DNAI4: variants seen among roughly 807,000 people sequenced by gnomAD.
DNAI4 encodes WD repeat domain 78.
DNAI4 carries 85 observed loss-of-function variants against 105.8 expected under a neutral mutation model. That is an observed-to-expected ratio of 0.80 (90% CI 0.67 to 0.96). DNAI4 has a LOEUF of 0.96. DNAI4 is among the 40% of genes least tolerant of loss of function. The pLI is 0.00. For synonymous variants in DNAI4, 352 were observed against 331.5 expected (o/e 1.06, Z -0.67); for missense variants, 1,014 against 1,005.6 (o/e 1.01, Z -0.11).
At chr1:66,830,976 CAA>C (rs71242799) in intron 13 of DNAI4, among the ~76,000 whole-genome samples, 1 of 81,808 alleles carries the variant, frequency 1.2e-5, no homozygotes, top group Non-Finnish European at 2.2e-5. Flanking sequence ...GACTCTGTCA[CAA>C]AAAAAAAAAA....
At chr1:66,871,335 C>A (rs1442963242) in intron 6 of DNAI4, 35 bp downstream of exon 6, 1 of 1,565,378 alleles carries the variant, frequency 6.4e-7, no homozygotes, top group African/African-American at 1.4e-5. Flanking sequence ...TATATTAGAA[C>A]ATTATAGTTT....
chr1:66,881,242 C>A (rs1311577519), intron 4 of DNAI4, among the ~76,000 whole-genome samples: 1 of 152,264 alleles, frequency 6.6e-6, no homozygotes, highest in Non-Finnish European at 1.5e-5. Flanking sequence ...TACTGGGGCA[C>A]TGCCTAGTGG....
intron 1 of DNAI4, among the ~76,000 whole-genome samples, chr1:66,911,790 G>C (rs1649675525): frequency 6.6e-6 from 1 of 152,032 alleles, no homozygotes; most frequent in Non-Finnish European, 1.5e-5. Context: ...AAATGCTCAG[G>C]ATAAACCTGC....
Position 66,891,239 on chromosome 1 carries a change from A to G in DNAI4, c.558T>C (p.Ser186=), listed in dbSNP as rs1210017215. 1 of 1,613,818 alleles carries G rather than the reference A, an allele frequency of 6.2e-7. No homozygotes were observed. The highest frequency in any genetic ancestry group is 1.7e-5 in the Admixed American group (1 of 60,018). ...ATTCACTTGCTGATACACTTGACTT[A>G]GAAACTGTACTGCTTCCTAAAACTG... ...TRSVLGSSTV[S]KSSVSASESI... is the part of the protein sequence containing the mutation. The change falls in exon 4 of 17, where the codon TCT becomes TCC. Residue 186 remains serine (S), a synonymous_variant. Transcript: ENST00000371026.
intron 4 of DNAI4, among the ~76,000 whole-genome samples, chr1:66,877,809 T>A (rs534090669): frequency 2.6e-5 from 4 of 152,296 alleles, no homozygotes; most frequent in African/African-American, 9.6e-5. Context: ...GCAGCAGTCA[T>A]GTATTTTGTA....
At chr1:66,822,577 GA>G in intron 15 of DNAI4, 60 bp from the exon 16 acceptor site, 1 of 1,333,618 alleles carries the variant, frequency 7.5e-7, no homozygotes, top group South Asian at 1.9e-5. Context: ...CTTTTAAATA[GA>G]CAAAGAAAAA....
Position 66,813,117 on chromosome 1 carries a change from C to G in DNAI4, c.*1013G>C, listed in dbSNP as rs1296257253. The G allele has an allele frequency of 1.3e-5, 2 of 152,256 alleles. No individual in the cohort carries two copies. Among genetic ancestry groups the G allele is most frequent in the Non-Finnish European group, 2.9e-5 (2 of 68,018 alleles). 9.4% of individuals were successfully genotyped at this position (152,256 alleles called of 1,614,324 possible). On this transcript the variant is annotated 3_prime_UTR_variant, in exon 17 of 17. Transcript: ENST00000371026. ...CAATGGATACTTGTAAAAGGTAGTT[C>G]CCACTGTTGCACTGATTCCAGTCTT...
chr1:66,826,693 G>A, intron 15 of DNAI4, 127 bp downstream of exon 15: 1 of 732,934 alleles, frequency 1.4e-6, no homozygotes, highest in Non-Finnish European at 2.3e-6. Context: ...TATTCATAAA[G>A]GACTCTCATA....
intron 3 of DNAI4, 129 bp downstream of exon 3, chr1:66,893,100 A>AG (rs1443129015): frequency 2.2e-6 from 1 of 453,664 alleles, no homozygotes; most frequent in Non-Finnish European, 3.7e-6. Flanking sequence ...AAAGAAAGAA[A>AG]GAAAGAAAGA....
chr1:66,924,332 G>T (rs796238680), intron 1 of DNAI4, among the ~76,000 whole-genome samples: 5 of 152,228 alleles, frequency 3.3e-5, no homozygotes, highest in African/African-American at 1.2e-4. Flanking sequence ...CACCACGTCC[G>T]GCTAACTTTT....
intron 4 of DNAI4, among the ~76,000 whole-genome samples, chr1:66,888,800 TTTTG>T (rs1647357162): frequency 2.0e-5 from 3 of 152,224 alleles, no homozygotes; most frequent in Non-Finnish European, 2.9e-5. Flanking sequence ...TGTTACTTGT[TTTTG>T]TTTGTTTTTG....
intron 10 of DNAI4, among the ~76,000 whole-genome samples, chr1:66,837,382 AAAC>A (rs1292206848): frequency 6.6e-6 from 1 of 151,644 alleles, no homozygotes; most frequent in Non-Finnish European, 1.5e-5. Flanking sequence ...AAAAAAAAAA[AAAC>A]ATAATTTTCA....
intron 16 of DNAI4, among the ~76,000 whole-genome samples, chr1:66,814,995 TAGG>T (rs774654627): frequency 6.6e-6 from 1 of 152,154 alleles, no homozygotes; most frequent in South Asian, 2.1e-4. Context: ...AGTGAAAAGA[TAGG>T]AGCTGGAAGC....
chr1:66,911,642 T>C (rs2100861438), intron 1 of DNAI4, among the ~76,000 whole-genome samples: 1 of 152,346 alleles, frequency 6.6e-6, no homozygotes, highest in South Asian at 2.1e-4. Flanking sequence ...AATAAATATT[T>C]ATTTTACAAT....
chr1:66,871,919 A>C lies in DNAI4; in HGVS notation c.801-410T>G, dbSNP rs182494376. Among the ~76,000 whole-genome samples the C allele has an allele frequency of 2.3e-3, 343 of 152,296 alleles. 5 individuals carry two copies. The highest frequency in any genetic ancestry group is 0.011 in the Admixed American group (171 of 15,298). On this transcript the variant is annotated intron_variant, in intron 5 of 16. Coordinates refer to ENST00000371026, the MANE Select transcript of DNAI4 (RefSeq NM_024763.5). The stretch of plus-strand genomic sequence containing the variant: ...TTAACTTTATTGCACTGTGGCCAGA[A>C]ATTTTCATTTGTATAATTCTATTCT...
At chr1:66,844,940 T>C (rs534720739) in intron 8 of DNAI4, among the ~76,000 whole-genome samples, 16 of 152,218 alleles carry the variant, frequency 1.1e-4, no homozygotes, top group African/African-American at 3.9e-4. Flanking sequence ...TGCCCTGTAA[T>C]CCCAGCACTC....
intron 7 of DNAI4, among the ~76,000 whole-genome samples, chr1:66,857,921 G>C (rs1646537204): frequency 6.6e-6 from 1 of 151,990 alleles, no homozygotes; most frequent in Non-Finnish European, 1.5e-5. Flanking sequence ...GATTGAAATG[G>C]AACAATTCCT....
At chr1:66,857,534 A>G (rs935592896) in intron 7 of DNAI4, among the ~76,000 whole-genome samples, 1 of 151,434 alleles carries the variant, frequency 6.6e-6, no homozygotes, top group South Asian at 2.1e-4. Flanking sequence ...TCTGCCCACA[A>G]ATTTTTTTTT....
rs933971809 is a variant in DNAI4, at chr1:66,890,982, C to T, written c.643+172G>A. On this transcript the variant is annotated intron_variant, in intron 4 of 16. Transcript: ENST00000371026. This position sits in a 1 kb window ranked among gnomAD's most constrained non-coding sequence, Gnocchi z 4.1. ...CAGGCTGATGATTCAAAACAGTCACCCAGGGAACTTAAAAAAATAGATATT... is the reference window on the plus strand; with the variant it reads ...CAGGCTGATGATTCAAAACAGTCACTCAGGGAACTTAAAAAAATAGATATT... 22 of 622,198 alleles carry T rather than the reference C, an allele frequency of 3.5e-5. No homozygotes were observed. Among genetic ancestry groups the T allele is most frequent in the Non-Finnish European group, 6.3e-5 (22 of 350,384 alleles). 38.5% of individuals were successfully genotyped at this position (622,198 alleles called of 1,614,324 possible). A position where few individuals can be genotyped will look rare whatever the true frequency, so the allele number is the denominator to read the frequency against.
Sources: allele counts gnomAD v4.1 joint callset (sites outside exome capture counted in the v4.1 genomes callset), GRCh38; gene constraint gnomAD v4.1.1; non-coding constraint Gnocchi (gnomAD v3.1); transcripts MANE v1.5; gene names NCBI Gene and HGNC (gene_info 2026-07-23, HGNC 2026-07-21).